The following NRXN1 variants were observed in gnomAD, a reference collection of about 807,000 sequenced individuals.
NRXN1 encodes the protein neurexin-1.
A neutral mutation model predicts 150.9 loss-of-function variants in NRXN1; 39 were observed. That is an observed-to-expected ratio of 0.26 (90% CI 0.20 to 0.34). The LOEUF (loss-of-function observed/expected upper bound fraction) is 0.34, where lower values mean the gene tolerates loss of function less well. NRXN1 is among the 10% of genes least tolerant of loss of function. The pLI is 1.00. For synonymous variants in NRXN1, 924 were observed against 757.0 expected (o/e 1.22, Z -3.62); for missense variants, 1,815 against 1,949.9 (o/e 0.93, Z 1.30).
At chr2:50,562,422 T>G (rs1369077668) in intron 8 of NRXN1, among the ~76,000 whole-genome samples, 1 of 152,134 alleles carries the variant, frequency 6.6e-6, no homozygotes, top group African/African-American at 2.4e-5. Context: ...ATCTATTGTT[T>G]TGGATATACC....
At chr2:49,970,993 T>G (rs1314719002) in intron 21 of NRXN1, among the ~76,000 whole-genome samples, 1 of 152,168 alleles carries the variant, frequency 6.6e-6, no homozygotes, top group Non-Finnish European at 1.5e-5. Flanking sequence ...TGGATTTTGG[T>G]AGTGCTCATA....
chr2:50,394,016 T>G (rs1395410101), intron 17 of NRXN1, among the ~76,000 whole-genome samples: 2 of 152,124 alleles, frequency 1.3e-5, no homozygotes, highest in Non-Finnish European at 2.9e-5. Flanking sequence ...TTGAAACACT[T>G]TATTTTTTCA....
At chr2:50,124,795 T>C (rs1039713077) in intron 18 of NRXN1, among the ~76,000 whole-genome samples, 1 of 152,176 alleles carries the variant, frequency 6.6e-6, no homozygotes, top group Non-Finnish European at 1.5e-5. Flanking sequence ...ATAACTTAAA[T>C]GTTTAAAATA....
intron 3 of NRXN1, among the ~76,000 whole-genome samples, chr2:50,924,859 G>A (rs1318352606): frequency 2.6e-5 from 4 of 151,766 alleles, no homozygotes; most frequent in African/African-American, 9.6e-5. Context: ...TTATCATGAA[G>A]TGTTCTTTCT....
At chr2:50,632,627 A>G (rs1682542789) in intron 5 of NRXN1, 1 of 151,980 alleles carries the variant, frequency 6.6e-6, no homozygotes. Context: ...TCTTGTTATG[A>G]ATGGATTCTT....
chr2:50,390,731 G>T (rs868305908), intron 17 of NRXN1, among the ~76,000 whole-genome samples: 1 of 152,058 alleles, frequency 6.6e-6, no homozygotes, highest in South Asian at 2.1e-4. Flanking sequence ...TTGCTCTCTT[G>T]TGCTCCCTTG....
At chr2:50,787,403 A>T (rs1705278030) in intron 5 of NRXN1, among the ~76,000 whole-genome samples, 1 of 151,960 alleles carries the variant, frequency 6.6e-6, no homozygotes, top group African/African-American at 2.4e-5. Context: ...TCTACTAAAA[A>T]TACAATAAAT....
At chr2:50,745,719 A>G (rs1440406399) in intron 5 of NRXN1, among the ~76,000 whole-genome samples, 4 of 152,024 alleles carry the variant, frequency 2.6e-5, no homozygotes, top group Non-Finnish European at 4.4e-5. Flanking sequence ...GCAGCAGGAG[A>G]CAGAAGAACG....
At chr2:50,609,348 G>A (rs1342774256) in intron 8 of NRXN1, among the ~76,000 whole-genome samples, 1 of 152,120 alleles carries the variant, frequency 6.6e-6, no homozygotes, top group East Asian at 1.9e-4. Flanking sequence ...TAAATGAAGA[G>A]CAGGGCCCTT....
At chr2:50,458,378 A>G (rs1479227718) in intron 17 of NRXN1, among the ~76,000 whole-genome samples, 1 of 152,178 alleles carries the variant, frequency 6.6e-6, no homozygotes, top group East Asian at 1.9e-4. Flanking sequence ...TGATAACACA[A>G]TATGGCAAAT....
chr2:50,169,487 G>C (rs2059891648), intron 18 of NRXN1, among the ~76,000 whole-genome samples: 1 of 152,054 alleles, frequency 6.6e-6, no homozygotes, highest in South Asian at 2.1e-4. Context: ...GGCCAAGGAG[G>C]GCGGATTACG....
intron 2 of NRXN1, among the ~76,000 whole-genome samples, chr2:50,981,179 C>T (rs7571079): frequency 1.3e-4 from 19 of 151,782 alleles, no homozygotes; most frequent in Admixed American, 6.6e-5. Context: ...ATAACTGTCT[C>T]GGCGTAGTGG....
At chr2:50,894,798 T>C (rs1016905724) in intron 5 of NRXN1, among the ~76,000 whole-genome samples, 2 of 152,200 alleles carry the variant, frequency 1.3e-5, no homozygotes, top group African/African-American at 4.8e-5. Context: ...TGTTTCTACA[T>C]TTTTAAATTA....
In NRXN1 at chr2:50,138,896, C is replaced by T. The variant is rs557992554; in HGVS notation, c.3547-47402G>A. On this transcript the variant is annotated intron_variant, in intron 18 of 22. Transcript: ENST00000401669. ...ATAACACAGAATGTGTGCCATAAAA[C>T]CCTGATTTGAATAGTTCTTGGAAAT... 1.3e-5 allele frequency among the ~76,000 whole-genome samples: 2 copies of T among 152,268 alleles called. 1 individual carries two copies. The highest frequency in any genetic ancestry group is 4.8e-5 in the African/African-American group (2 of 41,550).
At chr2:49,936,581 C>A (rs958326729) in intron 22 of NRXN1, among the ~76,000 whole-genome samples, 6 of 152,018 alleles carry the variant, frequency 3.9e-5, no homozygotes, top group Non-Finnish European at 8.8e-5. Context: ...TTCCCAAGAC[C>A]AGGAAAGGGC....
chr2:50,532,044 T>C (rs1410390889), intron 10 of NRXN1, among the ~76,000 whole-genome samples: 1 of 151,824 alleles, frequency 6.6e-6, no homozygotes, highest in African/African-American at 2.4e-5. Flanking sequence ...TAGAGATGGG[T>C]CTCCCTTTGT....
intron 18 of NRXN1, among the ~76,000 whole-genome samples, chr2:50,188,276 G>C (rs2061217207): frequency 6.6e-6 from 1 of 152,152 alleles, no homozygotes; most frequent in South Asian, 2.1e-4. Context: ...ACGGGGAAAG[G>C]ATTCCCTATT....
At chr2:50,310,691 A>G (rs1227989571) in intron 17 of NRXN1, among the ~76,000 whole-genome samples, 4 of 152,198 alleles carry the variant, frequency 2.6e-5, no homozygotes, top group African/African-American at 9.6e-5. Context: ...TATAAACTAC[A>G]TTATGGATGT....
At chr2:50,520,391 C>T (rs1257931933) in intron 12 of NRXN1, among the ~76,000 whole-genome samples, 3 of 151,410 alleles carry the variant, frequency 2.0e-5, no homozygotes, top group African/African-American at 7.3e-5. Flanking sequence ...TTATATTTTA[C>T]TTTTACCCAC....
Sources: gnomAD v4.1 joint callset for allele counts (sites outside exome capture counted in the v4.1 genomes callset) on GRCh38, gnomAD v4.1.1 for gene constraint, MANE v1.5 for transcripts, NCBI Gene and HGNC (gene_info 2026-07-23, HGNC 2026-07-21) for gene names.